The following DNM1 variants were observed in gnomAD, a reference collection of about 807,000 sequenced individuals.
DNM1 encodes the protein dynamin 1.
Under a neutral mutation model 104.6 loss-of-function variants are expected in DNM1, and 29 were observed. The observed-to-expected ratio is 0.28, with a 90% confidence interval of 0.21 to 0.38. DNM1 has a LOEUF of 0.38. Among genes scored for constraint, DNM1 ranks in the 10% least tolerant of loss-of-function variants. The pLI, the probability that DNM1 is intolerant of heterozygous loss-of-function variation, is 1.00. For missense variants in DNM1, 640 were observed against 1,189.4 expected, an observed-to-expected ratio of 0.54 and a Z score of 6.79; for synonymous variants, 445 against 475.8, an observed-to-expected ratio of 0.94 and a Z score of 0.84.
chr9:128,231,639 T>C (rs60271489), intron 10 of DNM1, among the ~76,000 whole-genome samples: 1 of 152,304 alleles, frequency 6.6e-6, no homozygotes, highest in Admixed American at 6.5e-5. Context: ...CTGCCAGAAG[T>C]TTAATGAGTG....
Position 128,205,037 on chromosome 9 carries a change from C to T in DNM1, c.161+1406C>T, listed in dbSNP as rs537542943. Among the ~76,000 whole-genome samples the T allele has an allele frequency of 1.2e-3, 187 of 152,182 alleles. 1 individual carries two copies. Among genetic ancestry groups the T allele is most frequent in the African/African-American group, 4.2e-3 (174 of 41,518 alleles). ...TGACTGGAGCCATGTGTGTGTGGGA[C>T]GTTGGAAGGCCACCGTGGGGGCGGC... On this transcript the variant is annotated intron_variant, in intron 1 of 21. Coordinates refer to ENST00000372923, the MANE Select transcript of DNM1 (RefSeq NM_004408.4).
At chr9:128,234,626 A>C (rs1835899622) in intron 11 of DNM1, among the ~76,000 whole-genome samples, 1 of 152,108 alleles carries the variant, frequency 6.6e-6, no homozygotes, top group South Asian at 2.1e-4. Flanking sequence ...TGCCCACCTC[A>C]GCCTCCCAAA....
At chr9:128,209,057 C>T (rs1022105163) in intron 1 of DNM1, among the ~76,000 whole-genome samples, 1 of 151,838 alleles carries the variant, frequency 6.6e-6, no homozygotes, top group Non-Finnish European at 1.5e-5. Flanking sequence ...GCTTGAGGGG[C>T]CTGTTAGGGG....
In DNM1 at chr9:128,219,204, C is replaced by G. The variant is rs776275818; in HGVS notation, c.541C>G (p.Leu181Val). The G allele has an allele frequency of 6.2e-7, 1 of 1,614,232 alleles. No individual in the cohort carries two copies. The highest frequency in any genetic ancestry group is 8.5e-7 in the Non-Finnish European group (1 of 1,180,056). Residue 181 changes from leucine (L) to valine (V), a missense_variant, in exon 4 of 22, where the codon CTG becomes GTG. This residue lies in a region of DNM1 where 172 missense variants were observed against 335.3 expected (regional missense o/e 0.51). Coordinates refer to ENST00000372923, the MANE Select transcript of DNM1 (RefSeq NM_004408.4). ...ILAVSPANSD[L>V]ANSDALKVAK... The stretch of plus-strand genomic sequence containing the variant: ...GGCCGTGTCCCCCGCCAACTCTGAC[C>G]TGGCCAATTCTGACGCCCTCAAGGT...
intron 14 of DNM1, 133 bp from the exon 15 acceptor site, chr9:128,242,099 C>A: frequency 1.5e-6 from 1 of 676,468 alleles, no homozygotes; most frequent in Non-Finnish European, 2.7e-6. Flanking sequence ...GGTCTGGCCC[C>A]CACCCTCCCT....
At chr9:128,223,207 G>A (rs1266854786) in intron 9 of DNM1, 8 of 304,014 alleles carry the variant, frequency 2.6e-5, no homozygotes, top group Non-Finnish European at 2.5e-5. Context: ...AGGGCCTGGG[G>A]TGGAGCATCT....
At chr9:128,228,074 G>A (rs1031143470) in intron 10 of DNM1, among the ~76,000 whole-genome samples, 2 of 151,268 alleles carry the variant, frequency 1.3e-5, no homozygotes, top group Non-Finnish European at 1.5e-5. Flanking sequence ...AGAGTTTCAC[G>A]CTTGTTGCCC....
In DNM1 at chr9:128,254,508, C is replaced by T; in HGVS notation, c.2535-146C>T. The T allele has an allele frequency of 6.5e-7, 1 of 1,529,592 alleles. No homozygotes were observed. Among genetic ancestry groups the T allele is most frequent in the Non-Finnish European group, 8.7e-7 (1 of 1,147,224 alleles). The allele number at this position is 1,529,592 out of a possible 1,614,324, so 94.8% of individuals were successfully genotyped here. A position where few individuals can be genotyped will look rare whatever the true frequency, so the allele number is the denominator to read the frequency against. ...TCCAGCCCCTTTTCCAGGAACCTTG[C>T]CACACCCACACCTGCAGCCTCCCCT... On this transcript the variant is annotated intron_variant, in intron 21 of 21. Transcript: ENST00000372923. This position sits in a 1 kb window ranked among gnomAD's most constrained non-coding sequence, Gnocchi z 6.1.
At chr9:128,251,360 C>T in intron 21 of DNM1, 1 of 348,592 alleles carries the variant, frequency 2.9e-6, no homozygotes, top group Non-Finnish European at 5.7e-6. Context: ...GAACCCCGAT[C>T]TGCTCTGAGT....
At chr9:128,213,084 T>TTTTG (rs771914007) in intron 1 of DNM1, among the ~76,000 whole-genome samples, 1 of 152,168 alleles carries the variant, frequency 6.6e-6, no homozygotes, top group East Asian at 1.9e-4. Context: ...TTCTGGATCT[T>TTTTG]TTTGTTTGTT....
intron 10 of DNM1, among the ~76,000 whole-genome samples, chr9:128,226,507 C>T (rs1338936935): frequency 6.6e-6 from 1 of 152,252 alleles, no homozygotes; most frequent in Non-Finnish European, 1.5e-5. Context: ...GTCCTCTCAA[C>T]CACCCTAAGA....
chr9:128,221,734 A>G (rs1835033804), intron 6 of DNM1, among the ~76,000 whole-genome samples: 1 of 152,124 alleles, frequency 6.6e-6, no homozygotes, highest in African/African-American at 2.4e-5. Flanking sequence ...TGTACTAAAA[A>G]TACAAAAAAT....
Position 128,248,230 on chromosome 9 carries a change from G to A in DNM1, c.1905+295G>A. On this transcript the variant is annotated intron_variant, in intron 18 of 21. Coordinates refer to ENST00000372923, the MANE Select transcript of DNM1 (RefSeq NM_004408.4). This position sits in a 1 kb window ranked among gnomAD's most constrained non-coding sequence, Gnocchi z 5.6. ...TAATCCCAGCTACTCAGGAGGCTGAGGCAGGAGAATCGCTTGAACCCAGGA... is the reference window on the plus strand; with the variant it reads ...TAATCCCAGCTACTCAGGAGGCTGAAGCAGGAGAATCGCTTGAACCCAGGA... The A allele has an allele frequency of 1.9e-6, 1 of 515,262 alleles. No homozygotes were observed. The allele number at this position is 515,262 out of a possible 1,614,324, so 31.9% of individuals were successfully genotyped here.
chr9:128,217,314 C>T (rs1370202059), intron 1 of DNM1, among the ~76,000 whole-genome samples: 1 of 152,194 alleles, frequency 6.6e-6, no homozygotes, highest in Non-Finnish European at 1.5e-5. Flanking sequence ...CCCTCATCTG[C>T]AAAATGGGGG....
At chr9:128,206,837 G>A (rs927853673) in intron 1 of DNM1, among the ~76,000 whole-genome samples, 1 of 152,044 alleles carries the variant, frequency 6.6e-6, no homozygotes, top group African/African-American at 2.4e-5. Flanking sequence ...TCTCTCTTGT[G>A]GGAAGCTTTT....
At chr9:128,246,768 C>CTCCCTTCCTCCCTCCT in intron 16 of DNM1, among the ~76,000 whole-genome samples, 1 of 150,190 alleles carries the variant, frequency 6.7e-6, no homozygotes, top group Non-Finnish European at 1.5e-5. Context: ...TCCTCCCTCC[C>CTCCCTTCCTCCCTCCT]TCCCTTCCTC....
intron 13 of DNM1, 86 bp from the exon 14 acceptor site, chr9:128,239,898 CA>C: frequency 1.0e-5 from 16 of 1,587,288 alleles, no homozygotes; most frequent in Non-Finnish European, 1.3e-5. Context: ...TGTCAGCTGC[CA>C]GCCACAAGCC....
chr9:128,253,593 C>T lies in DNM1; in HGVS notation c.2535-1061C>T, dbSNP rs1829662190. 1.0e-5 allele frequency: 2 copies of T among 200,612 alleles called. No homozygotes were observed. Among genetic ancestry groups the T allele is most frequent in the South Asian group, 1.6e-4 (1 of 6,316 alleles). The allele number at this position is 200,612 out of a possible 1,614,324, so 12.4% of individuals were successfully genotyped here. ...CATGCTCCCTGGGTAGGGCATCCAGCTCCCAGCCTGGGAGTGCTGAGAGCC... is the reference window on the plus strand; with the variant it reads ...CATGCTCCCTGGGTAGGGCATCCAGTTCCCAGCCTGGGAGTGCTGAGAGCC... On this transcript the variant is annotated intron_variant, in intron 21 of 21. Transcript: ENST00000372923. The surrounding 1 kb of genome is among the most constrained non-coding windows in gnomAD (Gnocchi z 5.9).
intron 20 of DNM1, 94 bp from the exon 21 acceptor site, chr9:128,250,631 T>C: frequency 8.7e-7 from 1 of 1,153,114 alleles, no homozygotes; most frequent in Non-Finnish European, 1.2e-6. Context: ...CTTGCGTGCA[T>C]GGGCGTGGCC....
Sources: gnomAD v4.1 joint callset for allele counts (sites outside exome capture counted in the v4.1 genomes callset) on GRCh38, gnomAD v4.1.1 for gene constraint, gnomAD v4.1.1 regional missense constraint, Gnocchi (gnomAD v3.1) non-coding constraint, MANE v1.5 for transcripts, NCBI Gene and HGNC (gene_info 2026-07-23, HGNC 2026-07-21) for gene names.